EFEMP1: variants seen among roughly 807,000 people sequenced by gnomAD.
EFEMP1 encodes the protein EGF-like fibulin extracellular matrix protein 1, also known as EGF-containing fibulin-like extracellular matrix protein 1.
In EFEMP1, 18 loss-of-function variants were observed where a neutral mutation model predicts 65.7. The ratio of observed to expected loss-of-function variants is 0.27; its 90% confidence interval spans 0.19 to 0.41. EFEMP1 has a LOEUF of 0.41. Among genes scored for constraint, EFEMP1 ranks in the 10% least tolerant of loss-of-function variants. The pLI, the probability that EFEMP1 is intolerant of heterozygous loss-of-function variation, is 1.00. For synonymous variants in EFEMP1, 237 were observed against 219.7 expected, an observed-to-expected ratio of 1.08 and a Z score of -0.70; for missense variants, 469 against 624.8, an observed-to-expected ratio of 0.75 and a Z score of 2.66.
Position 55,870,934 on chromosome 2 carries a change from G to A in EFEMP1, c.1125-19C>T, listed in dbSNP as rs1025522294. On this transcript the variant is annotated intron_variant, in intron 10 of 11. Coordinates refer to ENST00000355426, the MANE Select transcript of EFEMP1 (RefSeq NM_001039348.3). The surrounding 1 kb of genome is among the most constrained non-coding windows in gnomAD (Gnocchi z 5.8). The stretch of plus-strand genomic sequence containing the variant: ...ACATCGGCTGCAGAGACAAACAAAA[G>A]TATTCAGCAGTTTGGCTTGGTAAGA... The A allele has an allele frequency of 1.9e-6, 3 of 1,613,596 alleles. No homozygotes were observed. Among genetic ancestry groups the A allele is most frequent in the Non-Finnish European group, 2.5e-6 (3 of 1,179,772 alleles).
chr2:55,872,802 C>G (rs1668865006), intron 9 of EFEMP1, among the ~76,000 whole-genome samples: 1 of 151,990 alleles, frequency 6.6e-6, no homozygotes, highest in Non-Finnish European at 1.5e-5. Flanking sequence ...TCACAATTGA[C>G]TTATCCTTTC....
At chr2:55,876,872 C>T in intron 7 of EFEMP1, 130 bp from the exon 8 acceptor site, 1 of 444,142 alleles carries the variant, frequency 2.3e-6, no homozygotes. Flanking sequence ...AATTCCCTAG[C>T]TGAATTATTT....
At chr2:55,896,870 T>C (rs1459121547) in intron 5 of EFEMP1, among the ~76,000 whole-genome samples, 2 of 152,212 alleles carry the variant, frequency 1.3e-5, no homozygotes, top group Non-Finnish European at 2.9e-5. Context: ...ACCCAAACTT[T>C]AAAACATGAC....
Position 55,886,751 on chromosome 2 carries a change from G to T in EFEMP1, c.518-5017C>A, listed in dbSNP as rs1299700785. 6.6e-6 allele frequency among the ~76,000 whole-genome samples: 1 copy of T among 151,976 alleles called. No individual in the cohort carries two copies. Among genetic ancestry groups the T allele is most frequent in the East Asian group, 1.9e-4 (1 of 5,184 alleles). On this transcript the variant is annotated intron_variant, in intron 5 of 11. Transcript: ENST00000355426. The surrounding 1 kb of genome is among the most constrained non-coding windows in gnomAD (Gnocchi z 4.0). Reference sequence around the variant, plus strand: ...CTCTCTGAAACTTTTTAAATAAAAGGGACTCACTGAGTGAAGGTCTTAGAG... The same window carrying T: ...CTCTCTGAAACTTTTTAAATAAAAGTGACTCACTGAGTGAAGGTCTTAGAG...
At position 55,885,894 on chromosome 2, in the gene EFEMP1, G is replaced by T. The variant is rs1003602044; in HGVS notation, c.518-4160C>A. On this transcript the variant is annotated intron_variant, in intron 5 of 11. Coordinates refer to ENST00000355426, the MANE Select transcript of EFEMP1 (RefSeq NM_001039348.3). The surrounding 1 kb of genome is among the most constrained non-coding windows in gnomAD (Gnocchi z 4.3). ...TCTGACTCATATTTCCCAAACCCCT[G>T]ACTCATGCTGCTTTCTCTCTCTTAT... Among the ~76,000 whole-genome samples, 2 of 152,018 alleles carry T rather than the reference G, an allele frequency of 1.3e-5. No individual in the cohort carries two copies. Among genetic ancestry groups the T allele is most frequent in the Non-Finnish European group, 2.9e-5 (2 of 68,004 alleles).
intron 7 of EFEMP1, 127 bp from the exon 8 acceptor site, chr2:55,876,869 T>A: frequency 2.3e-6 from 1 of 442,666 alleles, no homozygotes; most frequent in Non-Finnish European, 3.5e-6. Flanking sequence ...AGTAATTCCC[T>A]AGCTGAATTA....
intron 6 of EFEMP1, among the ~76,000 whole-genome samples, chr2:55,881,052 A>G (rs537757113): frequency 3.9e-5 from 6 of 152,378 alleles, no homozygotes; most frequent in African/African-American, 1.4e-4. Flanking sequence ...GAATACAACG[A>G]TAGCAAACAG....
intron 5 of EFEMP1, among the ~76,000 whole-genome samples, chr2:55,901,746 C>T (rs1670042727): frequency 6.6e-6 from 1 of 152,200 alleles, no homozygotes; most frequent in African/African-American, 2.4e-5. Flanking sequence ...TTGGCATTCA[C>T]ACCAGGGGCT....
intron 5 of EFEMP1, among the ~76,000 whole-genome samples, chr2:55,895,615 C>T (rs2104415580): frequency 6.6e-6 from 1 of 151,222 alleles, no homozygotes; most frequent in Admixed American, 6.6e-5. Flanking sequence ...GATCTCGGCT[C>T]ACTGCAGGCT....
intron 6 of EFEMP1, among the ~76,000 whole-genome samples, chr2:55,880,158 C>A (rs186916817): frequency 6.6e-6 from 1 of 152,166 alleles, no homozygotes; most frequent in East Asian, 1.9e-4. Context: ...GTTTATGCAA[C>A]AGAACTGGAC....
At chr2:55,900,669 T>TTC (rs10675516) in intron 5 of EFEMP1, among the ~76,000 whole-genome samples, 97,602 of 151,926 alleles carry the variant, frequency 0.64, 33,276 homozygotes, top group East Asian at 0.9. Flanking sequence ...TTCTCTATTT[T>TTC]TCTCTCTGGT....
intron 5 of EFEMP1, among the ~76,000 whole-genome samples, chr2:55,903,579 T>C (rs1412168144): frequency 6.6e-6 from 1 of 152,168 alleles, no homozygotes; most frequent in Non-Finnish European, 1.5e-5. Flanking sequence ...GGAACTGATA[T>C]GTTCATTAAT....
At chr2:55,915,416 G>A (rs1050758089) in intron 5 of EFEMP1, among the ~76,000 whole-genome samples, 4 of 152,140 alleles carry the variant, frequency 2.6e-5, no homozygotes, top group African/African-American at 9.7e-5. Context: ...ACTTTGTTAG[G>A]TAGTCTAAAT....
rs1435167862 is a variant in EFEMP1, at chr2:55,873,583, G to A, written c.1000+1363C>T. On this transcript the variant is annotated intron_variant, in intron 9 of 11. Coordinates refer to ENST00000355426, the MANE Select transcript of EFEMP1 (RefSeq NM_001039348.3). This position sits in a 1 kb window ranked among gnomAD's most constrained non-coding sequence, Gnocchi z 4.6. ...GCTAACATTTTCTTGCATGTAATAT[G>A]CATGTTGAAAGTCTCAATTAGGGTT... Among the ~76,000 whole-genome samples, 2 of 152,000 alleles carry A rather than the reference G, an allele frequency of 1.3e-5. No individual in the cohort carries two copies. Among genetic ancestry groups the A allele is most frequent in the South Asian group, 2.1e-4 (1 of 4,832 alleles).
intron 5 of EFEMP1, among the ~76,000 whole-genome samples, chr2:55,892,810 G>T (rs1239765819): frequency 2.0e-5 from 3 of 152,044 alleles, no homozygotes; most frequent in African/African-American, 7.2e-5. Context: ...ATCTTAAAGA[G>T]AATTTCTTGG....
intron 5 of EFEMP1, among the ~76,000 whole-genome samples, chr2:55,888,459 T>C (rs1669510726): frequency 6.7e-6 from 1 of 148,806 alleles, no homozygotes. Context: ...TGACTCAGCC[T>C]CCTGAGTAGC....
intron 5 of EFEMP1, among the ~76,000 whole-genome samples, chr2:55,893,250 T>C (rs1179385870): frequency 6.6e-6 from 1 of 152,236 alleles, no homozygotes; most frequent in Non-Finnish European, 1.5e-5. Context: ...TTTCTGTAGT[T>C]GCTTATGCTA....
rs745988780 is a variant in EFEMP1 at position 55,874,980 on chromosome 2, C to T, written c.966G>A (p.Gln322=). The T allele has an allele frequency of 1.9e-6, 3 of 1,608,964 alleles. No individual in the cohort carries two copies. Among genetic ancestry groups the T allele is most frequent in the East Asian group, 2.2e-5 (1 of 44,656 alleles). ...TTCTACTTCTCACCACTTGGTATCC[C>T]TGGGGGCACATACATGAGAATTTCC... The part of the protein sequence containing the change: ...EPGKFSCMCP[Q]GYQVVRSRTC... Residue 322 remains glutamine, a synonymous_variant, in exon 9 of 12, where the codon CAG becomes CAA. Transcript: ENST00000355426.
intron 5 of EFEMP1, among the ~76,000 whole-genome samples, chr2:55,903,986 G>T (rs191366751): frequency 9.1e-4 from 139 of 152,130 alleles, no homozygotes; most frequent in African/African-American, 3.1e-3. Flanking sequence ...CTCTTACAGG[G>T]GGTCCTGTCT....
Sources: gnomAD v4.1 joint callset for allele counts (sites outside exome capture counted in the v4.1 genomes callset) on GRCh38, gnomAD v4.1.1 for gene constraint, Gnocchi (gnomAD v3.1) non-coding constraint, MANE v1.5 for transcripts, NCBI Gene and HGNC (gene_info 2026-07-23, HGNC 2026-07-21) for gene names.